The following OLFM1 variants were observed in gnomAD, a reference collection of about 807,000 sequenced individuals.
The protein encoded by OLFM1 is olfactomedin 1.
Under a neutral mutation model 49.7 loss-of-function variants are expected in OLFM1, and 9 were observed. The observed-to-expected ratio is 0.18, with a 90% CI of 0.11 to 0.32. OLFM1 has a LOEUF of 0.32. Among genes scored for constraint, OLFM1 ranks in the 10% least tolerant of loss-of-function variants. The pLI, the probability that OLFM1 is intolerant of heterozygous loss-of-function variation, is 1.00. For synonymous variants in OLFM1, 240 were observed against 271.8 expected (o/e 0.88, Z 1.15); for missense variants, 369 against 661.8 (o/e 0.56, Z 4.85).
rs1371808846 is a variant in OLFM1 at position 135,098,744 on chromosome 9, C to G, written c.676+239C>G. Among the ~76,000 whole-genome samples, 1 of 152,050 alleles carries G rather than the reference C, an allele frequency of 6.6e-6. No individual in the cohort carries two copies. Among genetic ancestry groups the G allele is most frequent in the Non-Finnish European group, 1.5e-5 (1 of 68,022 alleles). ...AGAGGCCACAGACCCCGCTGAGTCG[C>G]ACATCTGGAAAAAAATAGCATACCA... On this transcript the variant is annotated intron_variant, in intron 4 of 5. Coordinates refer to ENST00000371793, the MANE Select transcript of OLFM1 (RefSeq NM_001282611.2). This position sits in a 1 kb window ranked among gnomAD's most constrained non-coding sequence, Gnocchi z 5.6.
At chr9:135,114,477 G>A (rs770177722) in intron 5 of OLFM1, among the ~76,000 whole-genome samples, 79 of 152,084 alleles carry the variant, frequency 5.2e-4, no homozygotes, top group Non-Finnish European at 1.1e-3. Context: ...GCAGGTCCCA[G>A]GATGTGGACC....
upstream of OLFM1, among the ~76,000 whole-genome samples, chr9:135,084,728 C>T (rs1031802100): frequency 6.6e-6 from 1 of 152,152 alleles, no homozygotes; most frequent in Non-Finnish European, 1.5e-5. This position sits in a 1 kb window ranked among gnomAD's most constrained non-coding sequence, Gnocchi z 4.6. Flanking sequence ...CAAACTTTGT[C>T]CCTTGAGGGC....
intron 4 of OLFM1, among the ~76,000 whole-genome samples, chr9:135,102,729 G>C (rs1297015439): frequency 6.6e-6 from 1 of 152,224 alleles, no homozygotes; most frequent in Non-Finnish European, 1.5e-5. Context: ...ACTTCTTCCA[G>C]CTTAAGTCTT....
In OLFM1 at chr9:135,098,607, C is replaced by G; in HGVS notation, c.676+102C>G. On this transcript the variant is annotated intron_variant, in intron 4 of 5. Transcript: ENST00000371793. This position sits in a 1 kb window ranked among gnomAD's most constrained non-coding sequence, Gnocchi z 5.6. Reference sequence around the variant, plus strand: ...GAAGTGGACAGCGCCCGCCTGGCTTCGCGAGGTGATGGCTGGATTAGGGCT... The same window carrying G: ...GAAGTGGACAGCGCCCGCCTGGCTTGGCGAGGTGATGGCTGGATTAGGGCT... 2 of 1,074,504 alleles carry G rather than the reference C, an allele frequency of 1.9e-6. No homozygotes were observed. The highest frequency in any genetic ancestry group is 1.4e-5 in the South Asian group (1 of 70,772). The allele number at this position is 1,074,504 out of a possible 1,614,324, so 66.6% of individuals were successfully genotyped here. A position where few individuals can be genotyped will look rare whatever the true frequency, so the allele number is the denominator to read the frequency against.
intron 5 of OLFM1, among the ~76,000 whole-genome samples, chr9:135,115,712 A>G (rs1003785206): frequency 9.8e-5 from 15 of 152,352 alleles, no homozygotes; most frequent in African/African-American, 3.4e-4. Context: ...ACCACTGGCC[A>G]GATTGGTGGT....
intron 4 of OLFM1, among the ~76,000 whole-genome samples, chr9:135,103,682 G>A (rs1476847896): frequency 6.6e-6 from 1 of 152,194 alleles, no homozygotes; most frequent in Non-Finnish European, 1.5e-5. Context: ...TGGGCGGGAT[G>A]AAGTGGGAGG....
intron 1 of OLFM1, chr9:135,077,236 C>A (rs1230532076): frequency 2.7e-6 from 4 of 1,496,124 alleles, no homozygotes; most frequent in Non-Finnish European, 3.6e-6. Context: ...GCAAGCTGCC[C>A]CACAAAGGGC....
At chr9:135,089,020 G>A (rs1224787638) in intron 1 of OLFM1, among the ~76,000 whole-genome samples, 1 of 152,340 alleles carries the variant, frequency 6.6e-6, no homozygotes, top group East Asian at 1.9e-4. Flanking sequence ...CAGACCACTG[G>A]CCCTTTAGGC....
chr9:135,098,022 A>G lies in OLFM1; in HGVS notation c.457-264A>G. 7.1e-7 allele frequency: 1 copy of G among 1,418,384 alleles called. No individual in the cohort carries two copies. The highest frequency in any genetic ancestry group is 9.1e-7 in the Non-Finnish European group (1 of 1,093,952). 87.9% of individuals were successfully genotyped at this position (1,418,384 alleles called of 1,614,324 possible). A position where few individuals can be genotyped will look rare whatever the true frequency, so the allele number is the denominator to read the frequency against. On this transcript the variant is annotated intron_variant, in intron 3 of 5. Coordinates refer to ENST00000371793, the MANE Select transcript of OLFM1 (RefSeq NM_001282611.2). The surrounding 1 kb of genome is among the most constrained non-coding windows in gnomAD (Gnocchi z 5.6). ...CAATGCATTTTTTGAAAAAGAAAGAAAAAAAAAACTTCGTGTATGTGACTC... is the reference window on the plus strand; with the variant it reads ...CAATGCATTTTTTGAAAAAGAAAGAGAAAAAAAACTTCGTGTATGTGACTC...
chr9:135,099,010 G>A (rs74676428), intron 4 of OLFM1, among the ~76,000 whole-genome samples: 2,384 of 152,348 alleles, frequency 0.016, 21 homozygotes, highest in Middle Eastern at 0.031. Context: ...GGAAGGGGAG[G>A]AGCCTCTGAG....
chr9:135,101,867 G>C (rs1460971172), intron 4 of OLFM1, among the ~76,000 whole-genome samples: 1 of 152,238 alleles, frequency 6.6e-6, no homozygotes, highest in Non-Finnish European at 1.5e-5. Context: ...CTATAAATGA[G>C]GGGTGAGGGG....
intron 4 of OLFM1, among the ~76,000 whole-genome samples, chr9:135,101,107 AC>A (rs772551961): frequency 6.6e-6 from 1 of 152,164 alleles, no homozygotes; most frequent in Non-Finnish European, 1.5e-5. Context: ...TCTCAGGACC[AC>A]CCTGGCAGCC....
chr9:135,108,329 G>A (rs1244556809), intron 5 of OLFM1, among the ~76,000 whole-genome samples: 1 of 152,162 alleles, frequency 6.6e-6, no homozygotes, highest in Non-Finnish European at 1.5e-5. Flanking sequence ...ACAAGGTGAT[G>A]CTGGCAGGCA....
At chr9:135,096,352 T>C (rs1437977429) in intron 3 of OLFM1, among the ~76,000 whole-genome samples, 1 of 151,278 alleles carries the variant, frequency 6.6e-6, no homozygotes, top group Non-Finnish European at 1.5e-5. Flanking sequence ...TCCCTCTCCT[T>C]CTTCTCCTCC....
Position 135,097,947 on chromosome 9 carries a change from T to C in OLFM1, c.457-339T>C, listed in dbSNP as rs557240992. The C allele has an allele frequency of 1.7e-4, 245 of 1,462,592 alleles. 2 individuals are homozygous for C. The East Asian group carries it at 5.8e-3, about 35-fold the overall frequency. The allele number at this position is 1,462,592 out of a possible 1,614,324, so 90.6% of individuals were successfully genotyped here. ...GGAACCTTGAATACAACCAGGATCC[T>C]CCTTTGCATGCGACTGTAGCTGCAT... On this transcript the variant is annotated intron_variant, in intron 3 of 5. Transcript: ENST00000371793.
Position 135,098,339 on chromosome 9 carries a change from G to C in OLFM1, c.510G>C (p.Glu170Asp), listed in dbSNP as rs748875457. Residue 170 changes from glutamate (E) to aspartate (D), a missense_variant, in exon 4 of 6, where the codon GAG (glutamate) becomes GAC (aspartate). Glu to Asp is a conservative substitution (Grantham distance 45, BLOSUM62 2). Transcript: ENST00000371793. The surrounding 1 kb of genome is among the most constrained non-coding windows in gnomAD (Gnocchi z 5.6). ...ELRPLIPVLE[E>D]YKADAKLVLQ... ...GGCCTTTGATACCTGTGTTGGAAGA[G>C]TACAAGGCCGATGCCAAATTGGTAT... 1 of 1,613,804 alleles carries C rather than the reference G, an allele frequency of 6.2e-7. No homozygotes were observed. Among genetic ancestry groups the C allele is most frequent in the African/African-American group, 1.3e-5 (1 of 74,938 alleles).
At chr9:135,092,105 G>A (rs1299649728) in intron 2 of OLFM1, among the ~76,000 whole-genome samples, 1 of 152,222 alleles carries the variant, frequency 6.6e-6, no homozygotes, top group Admixed American at 6.5e-5. Context: ...CCTCGTTGGG[G>A]AAGGTGGGAG....
intron 5 of OLFM1, among the ~76,000 whole-genome samples, chr9:135,112,737 C>A (rs2382976): frequency 0.21 from 32,328 of 152,196 alleles, 3,569 homozygotes; most frequent in Middle Eastern, 0.29. Flanking sequence ...CGTGTGGACA[C>A]CGTGGTGTCC....
intron 1 of OLFM1, chr9:135,075,936 T>A: frequency 7.2e-7 from 1 of 1,385,354 alleles, no homozygotes; most frequent in Non-Finnish European, 9.4e-7. Flanking sequence ...AGTGCCGGGG[T>A]TGGGGAGGGG....
Sources: allele counts gnomAD v4.1 joint callset (sites outside exome capture counted in the v4.1 genomes callset), GRCh38; gene constraint gnomAD v4.1.1; non-coding constraint Gnocchi (gnomAD v3.1); transcripts MANE v1.5; gene names NCBI Gene and HGNC (gene_info 2026-07-23, HGNC 2026-07-21).